Variants in NTM observed in about 807,000 individuals in gnomAD.
NTM encodes IgLON family member 2.
NTM carries 13 observed loss-of-function variants against 42.1 expected under a neutral mutation model. That is an observed-to-expected ratio of 0.31 (90% CI 0.20 to 0.49). The LOEUF is 0.49. NTM is among the 20% of genes least tolerant of loss of function. The pLI is 0.99. For synonymous variants in NTM, 187 were observed against 179.2 expected (o/e 1.04, Z -0.35); for missense variants, 373 against 452.8 (o/e 0.82, Z 1.60).
intron 2 of NTM, chr11:131,984,776 T>TA (rs911329791): frequency 1.3e-5 from 2 of 152,186 alleles, no homozygotes; most frequent in African/African-American, 2.4e-5. Flanking sequence ...TGAAAAAAAA[T>TA]AAAAAATATA....
intron 1 of NTM, among the ~76,000 whole-genome samples, chr11:131,450,471 C>A (rs954049585): frequency 6.6e-6 from 1 of 152,132 alleles, no homozygotes; most frequent in East Asian, 1.9e-4. Flanking sequence ...GATGAATCCC[C>A]ACTCTGACAG....
At chr11:131,597,144 A>G (rs1444724924) in intron 1 of NTM, among the ~76,000 whole-genome samples, 1 of 152,006 alleles carries the variant, frequency 6.6e-6, no homozygotes, top group Non-Finnish European at 1.5e-5. Context: ...TCACACACAC[A>G]CCCAGGATCA....
intron 3 of NTM, among the ~76,000 whole-genome samples, chr11:132,148,825 G>A (rs532508213): frequency 6.6e-6 from 1 of 152,282 alleles, no homozygotes; most frequent in African/African-American, 2.4e-5. Flanking sequence ...ATGGGAGGGG[G>A]TGAGAGGATG....
chr11:131,502,063 A>G (rs2046901393), intron 1 of NTM, among the ~76,000 whole-genome samples: 1 of 152,150 alleles, frequency 6.6e-6, no homozygotes, highest in Non-Finnish European at 1.5e-5. Context: ...AGATGGTATT[A>G]AAGTGCCCAA....
chr11:132,218,132 G>A (rs1209492696), intron 4 of NTM, among the ~76,000 whole-genome samples: 3 of 152,082 alleles, frequency 2.0e-5, no homozygotes, highest in Admixed American at 6.6e-5. Flanking sequence ...CCGGGGCCCC[G>A]TGTGGCGCTG....
chr11:131,926,106 G>A (rs537121235), intron 2 of NTM, among the ~76,000 whole-genome samples: 99 of 58,388 alleles, frequency 1.7e-3, no homozygotes, highest in African/African-American at 5.6e-3. Context: ...CAACTTGTAT[G>A]GATTAGAAAA....
At chr11:132,205,999 G>A (rs1026562877) in intron 3 of NTM, among the ~76,000 whole-genome samples, 2 of 152,036 alleles carry the variant, frequency 1.3e-5, no homozygotes, top group African/African-American at 2.4e-5. Context: ...ATTCCTGCTC[G>A]ACCCCATCTC....
chr11:131,455,722 A>G (rs1460939689), intron 1 of NTM, among the ~76,000 whole-genome samples: 1 of 152,212 alleles, frequency 6.6e-6, no homozygotes, highest in African/African-American at 2.4e-5. Flanking sequence ...GAAGCAAAGC[A>G]GCTCAAGGCT....
chr11:131,455,976 T>C (rs1167555638), intron 1 of NTM, among the ~76,000 whole-genome samples: 1 of 152,256 alleles, frequency 6.6e-6, no homozygotes, highest in East Asian at 1.9e-4. Context: ...GGAGAAATGT[T>C]ATTCATTGTT....
At chr11:131,766,992 G>A (rs185081447) in intron 1 of NTM, 16 of 198,648 alleles carry the variant, frequency 8.1e-5, no homozygotes, top group Admixed American at 4.6e-4. Context: ...TTGTCTTAGC[G>A]CCTATTTTTT....
chr11:131,910,429 T>A (rs1485560514), intron 1 of NTM, among the ~76,000 whole-genome samples: 1 of 151,804 alleles, frequency 6.6e-6, no homozygotes, highest in East Asian at 2.0e-4. Context: ...GTGCACAGCC[T>A]GGGCCCGGCG....
At chr11:131,860,250 C>CT (rs2046498037) in intron 1 of NTM, among the ~76,000 whole-genome samples, 1 of 152,190 alleles carries the variant, frequency 6.6e-6, no homozygotes, top group South Asian at 2.1e-4. Flanking sequence ...GGAAGGGCTC[C>CT]TGAGACTCAG....
intron 1 of NTM, among the ~76,000 whole-genome samples, chr11:131,744,187 G>C (rs1025878837): frequency 6.6e-6 from 1 of 152,120 alleles, no homozygotes; most frequent in African/African-American, 2.4e-5. Context: ...CCATTGAGAG[G>C]ATTAATTTGT....
chr11:132,124,811 C>A (rs979674777), intron 2 of NTM, among the ~76,000 whole-genome samples: 4 of 152,144 alleles, frequency 2.6e-5, no homozygotes, highest in Admixed American at 2.0e-4. Context: ...AAGACCCTGT[C>A]TCTACAAAAA....
chr11:131,764,052 A>T (rs923071076), intron 1 of NTM, among the ~76,000 whole-genome samples: 5 of 152,104 alleles, frequency 3.3e-5, no homozygotes, highest in African/African-American at 1.2e-4. Flanking sequence ...TGAAGATGCT[A>T]GGAGACAGCA....
intron 1 of NTM, among the ~76,000 whole-genome samples, chr11:131,611,937 G>A (rs1401451096): frequency 6.6e-6 from 1 of 152,188 alleles, no homozygotes; most frequent in Non-Finnish European, 1.5e-5. Flanking sequence ...TGACTTCAGG[G>A]ACCCTCACCT....
rs538575881 is a variant in NTM, at chr11:131,443,652, CTTAT to C, written c.82+72770_82+72773del. 6.3e-4 allele frequency among the ~76,000 whole-genome samples: 96 copies of C among 152,246 alleles called. 3 individuals are homozygous for C. The South Asian group carries it at 0.019, about 30-fold the overall frequency. ...TTCCCTTTCCTAACTGTGGGCTGGA[CTTAT>C]TTATTCAATTTTAATGAGTAGACCA... is the stretch of plus-strand genomic sequence containing the variant. On this transcript the variant is annotated intron_variant, in intron 1 of 8. Transcript: ENST00000683400.
intron 2 of NTM, among the ~76,000 whole-genome samples, chr11:131,999,880 C>G (rs1341164572): frequency 3.3e-5 from 5 of 152,214 alleles, no homozygotes; most frequent in East Asian, 1.9e-4. Context: ...CTTTATACAT[C>G]TCTGGCTATA....
intron 2 of NTM, among the ~76,000 whole-genome samples, chr11:132,029,016 T>G (rs1039249403): frequency 5.3e-5 from 8 of 152,062 alleles, no homozygotes; most frequent in African/African-American, 1.7e-4. Flanking sequence ...AGTTTTTCTA[T>G]CCTGATACTG....
Sources: gnomAD v4.1 joint callset for allele counts (sites outside exome capture counted in the v4.1 genomes callset) on GRCh38, gnomAD v4.1.1 for gene constraint, MANE v1.5 for transcripts, NCBI Gene and HGNC (gene_info 2026-07-23, HGNC 2026-07-21) for gene names.